The following TENM1 variants were observed in gnomAD, a reference collection of about 807,000 sequenced individuals.
TENM1 encodes teneurin transmembrane protein 1, also known as teneurin-1.
Under a neutral mutation model 174.8 loss-of-function variants are expected in TENM1, and 35 were observed. The ratio of observed to expected loss-of-function variants is 0.20; its 90% CI spans 0.15 to 0.27. The LOEUF (loss-of-function observed/expected upper bound fraction) is 0.27, where lower values mean the gene tolerates loss of function less well. TENM1 is among the 10% of genes least tolerant of loss of function. The probability of loss-of-function intolerance (pLI) is 1.00; values close to 1 mark genes in which losing one functional copy is unlikely to be tolerated. For synonymous variants in TENM1, 781 were observed against 798.7 expected (o/e 0.98, Z 0.37); for missense variants, 1,633 against 2,130.1 (o/e 0.77, Z 4.59).
chrX:124,977,993 A>T, the TENM1 span, among the ~76,000 whole-genome samples: 291 of 98,407 alleles, frequency 3.0e-3, 3 homozygotes, highest in South Asian at 7.9e-3. Context: ...AGAGAGAGAG[A>T]GAGAGAGAGA....
At chrX:124,644,121 T>G (rs1231936944) in intron 10 of TENM1, among the ~76,000 whole-genome samples, 1 of 100,473 alleles carries the variant, frequency 1.0e-5, no homozygotes, top group Non-Finnish European at 2.0e-5. Context: ...GATATATACA[T>G]ATATATGCCA....
chrX:125,173,373 G>A, the TENM1 span, among the ~76,000 whole-genome samples: 2 of 111,527 alleles, frequency 1.8e-5, no homozygotes, highest in Middle Eastern at 4.2e-3. Flanking sequence ...GAGGCAAGTC[G>A]TCAGGAGACT....
At chrX:124,883,033 CATT>C (rs1226731680) in intron 3 of TENM1, among the ~76,000 whole-genome samples, 2 of 111,811 alleles carry the variant, frequency 1.8e-5, no homozygotes, top group Non-Finnish European at 3.8e-5. Flanking sequence ...AATTTAATAT[CATT>C]ATTTTCCCAG....
At chrX:124,737,148 C>T (rs904679942) in exon 4 of TENM1, 20 of 1,206,332 alleles carry the variant, frequency 1.7e-5, no homozygotes, top group Non-Finnish European at 2.0e-5. Flanking sequence ...GCGGAGGTGG[C>T]GGTGGGAGGG....
chrX:124,643,208 A>G (rs1209035670), intron 10 of TENM1, among the ~76,000 whole-genome samples: 1 of 112,186 alleles, frequency 8.9e-6, no homozygotes, highest in African/African-American at 3.2e-5. Flanking sequence ...TAATTTTAAT[A>G]AAGTAGTATT....
intron 11 of TENM1, among the ~76,000 whole-genome samples, chrX:124,573,823 G>A (rs2049108096): frequency 8.9e-6 from 1 of 112,337 alleles, no homozygotes; most frequent in African/African-American, 3.2e-5. Flanking sequence ...CTGATTCTAA[G>A]ATGTTTTTCA....
intron 1 of TENM1, among the ~76,000 whole-genome samples, chrX:124,906,292 T>A (rs2057747108): frequency 8.9e-6 from 1 of 112,094 alleles, no homozygotes; most frequent in Non-Finnish European, 1.9e-5. Context: ...TTTTTTCTGC[T>A]GAATGTGTAT....
the TENM1 span, among the ~76,000 whole-genome samples, chrX:125,122,660 C>T: frequency 9.0e-6 from 1 of 111,129 alleles, no homozygotes; most frequent in Non-Finnish European, 1.9e-5. Context: ...AAGTATCAAC[C>T]ATAGTAACCC....
chrX:124,814,221 T>C (rs2055848213), intron 3 of TENM1, among the ~76,000 whole-genome samples: 1 of 111,493 alleles, frequency 9.0e-6, no homozygotes, highest in African/African-American at 3.3e-5. Flanking sequence ...ACAATGAAGA[T>C]AGTGCCTAAC....
the TENM1 span, among the ~76,000 whole-genome samples, chrX:125,091,927 G>A: frequency 2.2e-4 from 22 of 99,368 alleles, no homozygotes; most frequent in Non-Finnish European, 2.8e-4. Context: ...GGAGGTTGCA[G>A]TGAGCCGAGA....
chrX:125,050,160 T>TTAA, the TENM1 span, among the ~76,000 whole-genome samples: 1 of 108,872 alleles, frequency 9.2e-6, no homozygotes, highest in Non-Finnish European at 1.9e-5. Flanking sequence ...CTTTTTATTA[T>TTAA]TATTATTATT....
intron 25 of TENM1, 86 bp downstream of exon 28, chrX:124,420,225 C>G (rs917181216): frequency 1.0e-6 from 1 of 1,003,428 alleles, no homozygotes; most frequent in Admixed American, 3.0e-5. Flanking sequence ...GCATGCAACA[C>G]TCAGCAATTA....
chrX:124,551,684 T>C (rs991692074), intron 14 of TENM1, among the ~76,000 whole-genome samples: 1 of 111,900 alleles, frequency 8.9e-6, no homozygotes, highest in Non-Finnish European at 1.9e-5. Context: ...CCAAATTATT[T>C]ACATTTATTA....
At chrX:124,584,327 A>G (rs1450407230) in intron 11 of TENM1, among the ~76,000 whole-genome samples, 1 of 110,358 alleles carries the variant, frequency 9.1e-6, no homozygotes, top group African/African-American at 3.3e-5. Flanking sequence ...TCAGACTAAC[A>G]GCGGATCTCT....
intron 23 of TENM1, 88 bp downstream of exon 26, chrX:124,453,249 C>G (rs2061064372): frequency 4.4e-6 from 4 of 919,175 alleles, no homozygotes; most frequent in Admixed American, 3.0e-5. Context: ...TGCCAGGCTT[C>G]CATTCTACCT....
At chrX:125,138,482 T>C in the TENM1 span, among the ~76,000 whole-genome samples, 37 of 111,749 alleles carry the variant, frequency 3.3e-4, no homozygotes, top group African/African-American at 1.0e-3. Flanking sequence ...CATTGTGTCT[T>C]GGGATTCATT....
rs1205218770 is a variant in TENM1, at chrX:124,757,138, G to C, written c.536-19941C>G. On this transcript the variant is annotated intron_variant, in intron 3 of 31. Coordinates refer to ENST00000422452, the Ensembl canonical transcript of TENM1. ...AGGCAGGCCTCCTTGAGCTGTGGTT[G>C]GCTCCACCCAGTTCGAGCTTCCGGC... 2.7e-4 allele frequency among the ~76,000 whole-genome samples: 30 copies of C among 112,634 alleles called. No individual in the cohort carries two copies. In the Admixed American group the frequency reaches 2.8e-3, roughly 10 times the overall value.
intron 20 of TENM1, among the ~76,000 whole-genome samples, chrX:124,488,533 G>C: frequency 8.9e-6 from 1 of 112,342 alleles, no homozygotes; most frequent in Non-Finnish European, 1.9e-5. Flanking sequence ...CCTGTGGGTT[G>C]AAACAAAGGT....
At position 124,816,435 on chromosome X, in the gene TENM1, AAT is replaced by A. The variant is rs763980211; in HGVS notation, c.535+77859_535+77860del. 2.7e-5 allele frequency among the ~76,000 whole-genome samples: 3 copies of A among 112,141 alleles called. No individual in the cohort carries two copies. The East Asian group carries it at 8.4e-4, about 31-fold the overall frequency. Reference sequence around the variant, plus strand: ...ATATCTTTAAGCACTTGCTTTTGGAAATACAGAAGAATGACTCATAATTTGCA... The same window carrying A: ...ATATCTTTAAGCACTTGCTTTTGGAAACAGAAGAATGACTCATAATTTGCA... On this transcript the variant is annotated intron_variant, in intron 3 of 31. Coordinates refer to ENST00000422452, the Ensembl canonical transcript of TENM1.
Sources: allele counts gnomAD v4.1 joint callset (sites outside exome capture counted in the v4.1 genomes callset), GRCh38; gene constraint gnomAD v4.1.1; transcripts MANE v1.5; gene names NCBI Gene and HGNC (gene_info 2026-07-23, HGNC 2026-07-21).